The following PHF3 variants were observed in gnomAD, a reference collection of about 807,000 sequenced individuals.
PHF3 encodes PHD finger protein 3.
In PHF3, 41 loss-of-function variants were observed where a neutral mutation model predicts 178.4. That is an observed-to-expected ratio of 0.23 (90% CI 0.18 to 0.30). The LOEUF (loss-of-function observed/expected upper bound fraction) is 0.30. Ranked by LOEUF, PHF3 falls within the 10% of genes least tolerant of loss-of-function variation. The probability of loss-of-function intolerance (pLI) is 1.00; values close to 1 mark genes in which losing one functional copy is unlikely to be tolerated. For synonymous variants in PHF3, 842 were observed against 800.5 expected (o/e 1.05, Z -0.88); for missense variants, 2,346 against 2,398.1 (o/e 0.98, Z 0.45).
chr6:63,642,316 T>A (rs1764610649), intron 1 of PHF3, among the ~76,000 whole-genome samples: 1 of 152,214 alleles, frequency 6.6e-6, no homozygotes, highest in Non-Finnish European at 1.5e-5. Flanking sequence ...TTCACCTTCC[T>A]CTGTGAAGCC....
In PHF3 at chr6:63,694,746, G is replaced by A; in HGVS notation, c.2662G>A (p.Glu888Lys). The A allele has an allele frequency of 6.6e-7, 1 of 1,511,062 alleles. No individual in the cohort carries two copies. Among genetic ancestry groups the A allele is most frequent in the Non-Finnish European group, 8.8e-7 (1 of 1,130,916 alleles). The allele number at this position is 1,511,062 out of a possible 1,614,324, so 93.6% of individuals were successfully genotyped here. The change falls in exon 6 of 16, where the codon GAA becomes AAA. Residue 888 changes from glutamate (E) to lysine (K), a missense_variant. By Grantham distance (56) the Glu-to-Lys change is moderately conservative (BLOSUM62 1). This residue lies in a region of PHF3 where 252 missense variants were observed against 232.0 expected (regional missense o/e 1.09). Transcript: ENST00000262043. ...GTCTACAACTGTTACTTGCACAGGA[G>A]AAAAAGCTTCAAAACCAGGTAGTGA... ...KESTTVTCTG[E>K]KASKPGTHEK...
intron 3 of PHF3, among the ~76,000 whole-genome samples, chr6:63,680,562 G>T (rs1358851234): frequency 6.7e-6 from 1 of 148,492 alleles, no homozygotes; most frequent in Non-Finnish European, 1.5e-5. Context: ...AATTTTGTTA[G>T]ATCAATGGTA....
At chr6:63,676,023 G>A (rs1372534179) in intron 2 of PHF3, among the ~76,000 whole-genome samples, 1 of 152,024 alleles carries the variant, frequency 6.6e-6, no homozygotes. Context: ...GCTTTACCTT[G>A]ATGCATCTTT....
intron 14 of PHF3, among the ~76,000 whole-genome samples, chr6:63,710,777 A>G (rs911092180): frequency 6.6e-6 from 1 of 152,162 alleles, no homozygotes; most frequent in Non-Finnish European, 1.5e-5. Context: ...CAGTGGTTCA[A>G]GAACATAAGC....
intron 1 of PHF3, among the ~76,000 whole-genome samples, chr6:63,641,189 C>G (rs1764553816): frequency 6.6e-6 from 1 of 152,232 alleles, no homozygotes; most frequent in Non-Finnish European, 1.5e-5. Context: ...GTGTGCTCCA[C>G]TTTTAAGACC....
At position 63,725,649 on chromosome 6, in the gene PHF3, T is replaced by G. The variant is rs1768587293; in HGVS notation, c.*11941T>G. Among the ~76,000 whole-genome samples, 1 of 152,092 alleles carries G rather than the reference T, an allele frequency of 6.6e-6. No individual in the cohort carries two copies. The highest frequency in any genetic ancestry group is 2.1e-4 in the South Asian group (1 of 4,832). ...TCAATTGTACTTTTTCTCTTTGAAA[T>G]TATTTTGAGGGTATTTCAGAAGTGC... On this transcript the variant is annotated 3_prime_UTR_variant, in exon 16 of 16. Coordinates refer to ENST00000262043, the MANE Select transcript of PHF3 (RefSeq NM_001370348.2).
At position 63,698,333 on chromosome 6, in the gene PHF3, G is replaced by A; in HGVS notation, c.2791G>A (p.Val931Ile). Residue 931 changes from valine (V) to isoleucine (I), a missense_variant, in exon 7 of 16, where the codon GTC (valine) becomes ATC (isoleucine). This residue lies in a region of PHF3 where 252 missense variants were observed against 232.0 expected (regional missense o/e 1.09). Transcript: ENST00000262043. Reference protein sequence around the residue: ...KPSADQIRQSVRHSLKDILMK... With the variant: ...KPSADQIRQSIRHSLKDILMK... ...TTCTGCAGATCAGATCAGGCAAAGT[G>A]TCAGACATTCTCTCAAAGACATTCT... 2 of 1,612,244 alleles carry A rather than the reference G, an allele frequency of 1.2e-6. No homozygotes were observed. Among genetic ancestry groups the A allele is most frequent in the Non-Finnish European group, 1.7e-6 (2 of 1,178,900 alleles).
chr6:63,713,311 A>G lies in PHF3; in HGVS notation c.5723A>G (p.Gln1908Arg). The change falls in exon 16 of 16, where the codon CAA becomes CGA. Residue 1908 changes from glutamine (Q) to arginine (R), a missense_variant. Transcript: ENST00000262043. Reference sequence around the variant, plus strand: ...CCTTGGGGTAGGCAAGACCAACAGCAACTGGATAGGCCATTTAATAGGGGT... The same window carrying G: ...CCTTGGGGTAGGCAAGACCAACAGCGACTGGATAGGCCATTTAATAGGGGT... ...SDPWGRQDQQ[Q>R]LDRPFNRGKG... The G allele has an allele frequency of 6.2e-7, 1 of 1,614,062 alleles. No individual in the cohort carries two copies. The highest frequency in any genetic ancestry group is 1.1e-5 in the South Asian group (1 of 91,076).
At chr6:63,666,097 A>T (rs1407769150) in intron 2 of PHF3, among the ~76,000 whole-genome samples, 1 of 152,058 alleles carries the variant, frequency 6.6e-6, no homozygotes, top group Non-Finnish European at 1.5e-5. Flanking sequence ...AGTTATACAC[A>T]CCCCCTTAGG....
chr6:63,658,865 G>A (rs1482025249), intron 2 of PHF3, among the ~76,000 whole-genome samples: 1 of 152,040 alleles, frequency 6.6e-6, no homozygotes, highest in East Asian at 1.9e-4. Context: ...TAGGCTGGCA[G>A]GCTGGAGACC....
At position 63,645,054 on chromosome 6, in the gene PHF3, T is replaced by TA. The variant is rs34589945; in HGVS notation, c.-25-1472dup. Among the ~76,000 whole-genome samples the TA allele has an allele frequency of 3.3e-3, 455 of 136,036 alleles. 1 individual carries two copies. The highest frequency in any genetic ancestry group is 0.016 in the Middle Eastern group (4 of 252). 89.2% of individuals were successfully genotyped at this position (136,036 alleles called of 152,430 possible). On this transcript the variant is annotated intron_variant, in intron 1 of 15. Transcript: ENST00000262043. ...CGTCACCACACCTGGCTAATTTTTG[T>TA]ATTTTTTTTTGTAGAGACGGGGTTT...
Position 63,724,983 on chromosome 6 carries a change from A to AC in PHF3, c.*11277dup, listed in dbSNP as rs1561995993. 6.6e-6 allele frequency among the ~76,000 whole-genome samples: 1 copy of AC among 152,142 alleles called. No individual in the cohort carries two copies. Among genetic ancestry groups the AC allele is most frequent in the Non-Finnish European group, 1.5e-5 (1 of 67,970 alleles). ...AGGACTGTCAGCTGCATTTTCTGCAACCTTAAATAAATGAGAGACTTCAAA... is the reference window on the plus strand; with the variant it reads ...AGGACTGTCAGCTGCATTTTCTGCAACCCTTAAATAAATGAGAGACTTCAAA... On this transcript the variant is annotated 3_prime_UTR_variant, in exon 16 of 16. Coordinates refer to ENST00000262043, the MANE Select transcript of PHF3 (RefSeq NM_001370348.2).
At chr6:63,693,977 C>T (rs559801953) in intron 5 of PHF3, among the ~76,000 whole-genome samples, 2 of 152,330 alleles carry the variant, frequency 1.3e-5, no homozygotes, top group South Asian at 4.1e-4. Context: ...TTAGAGGATT[C>T]TTAGTCTAGA....
At chr6:63,698,655 T>G in intron 8 of PHF3, 50 bp downstream of exon 8, 1 of 1,301,626 alleles carries the variant, frequency 7.7e-7, no homozygotes, top group Non-Finnish European at 1.1e-6. Flanking sequence ...CCTGAGTACA[T>G]AGGTATCTCA....
At chr6:63,688,540 G>C (rs1766851648) in intron 4 of PHF3, among the ~76,000 whole-genome samples, 1 of 150,928 alleles carries the variant, frequency 6.6e-6, no homozygotes. Context: ...TCACCGTGTT[G>C]GCCAGGCTGG....
Position 63,705,890 on chromosome 6 carries a change from A to G in PHF3, c.3368-139A>G. ...GGTTGTGATACAACTAAATGATGACAGTTAGATATAACCCCAGGAAATGTA... is the reference window on the plus strand; with the variant it reads ...GGTTGTGATACAACTAAATGATGACGGTTAGATATAACCCCAGGAAATGTA... On this transcript the variant is annotated intron_variant, in intron 11 of 15. Coordinates refer to ENST00000262043, the MANE Select transcript of PHF3 (RefSeq NM_001370348.2). 11 of 628,478 alleles carry G rather than the reference A, an allele frequency of 1.8e-5. No individual in the cohort carries two copies. In the South Asian group the frequency reaches 2.6e-4, roughly 15 times the overall value. The allele number at this position is 628,478 out of a possible 1,614,324, so 38.9% of individuals were successfully genotyped here.
At chr6:63,677,379 C>G (rs1329865827) in intron 2 of PHF3, among the ~76,000 whole-genome samples, 2 of 151,894 alleles carry the variant, frequency 1.3e-5, no homozygotes, top group Non-Finnish European at 2.9e-5. Flanking sequence ...AGGCTGTTGA[C>G]AAGTGGCTAG....
At chr6:63,637,974 A>G (rs905974064) in intron 1 of PHF3, among the ~76,000 whole-genome samples, 2 of 152,100 alleles carry the variant, frequency 1.3e-5, no homozygotes, top group Non-Finnish European at 2.9e-5. Flanking sequence ...TGAATTATGC[A>G]TTCTCTCTTG....
At chr6:63,647,681 A>G (rs1239476434) in intron 2 of PHF3, among the ~76,000 whole-genome samples, 2 of 152,226 alleles carry the variant, frequency 1.3e-5, no homozygotes, top group African/African-American at 4.8e-5. Context: ...CTGTAAGGCT[A>G]AACTATCCTT....
Sources: allele counts gnomAD v4.1 joint callset (sites outside exome capture counted in the v4.1 genomes callset), GRCh38; gene constraint gnomAD v4.1.1; regional missense constraint gnomAD v4.1.1; transcripts MANE v1.5; gene names NCBI Gene and HGNC (gene_info 2026-07-23, HGNC 2026-07-21).